Variants in SPAG16 observed in about 807,000 individuals in gnomAD.
SPAG16 encodes the protein sperm associated antigen 16, also known as sperm-associated antigen 16 protein.
A neutral mutation model predicts 80.4 loss-of-function variants in SPAG16; 86 were observed. That is an observed-to-expected ratio of 1.07 (90% CI 0.90 to 1.28). SPAG16 has a LOEUF of 1.28. SPAG16 is among the 50% of genes most tolerant of loss of function. The pLI, the probability that SPAG16 is intolerant of heterozygous loss-of-function variation, is 0.00. For synonymous variants in SPAG16, 294 were observed against 265.9 expected (o/e 1.11, Z -1.03); for missense variants, 870 against 765.3 (o/e 1.14, Z -1.61).
chr2:214,094,374 A>G (rs1335603325), intron 13 of SPAG16, among the ~76,000 whole-genome samples: 1 of 152,108 alleles, frequency 6.6e-6, no homozygotes, highest in East Asian at 1.9e-4. Flanking sequence ...TTCCCAAAGT[A>G]CATGTTAGAA....
chr2:213,557,433 C>G (rs924828682), intron 10 of SPAG16, among the ~76,000 whole-genome samples: 2 of 151,424 alleles, frequency 1.3e-5, no homozygotes, highest in Non-Finnish European at 1.5e-5. Context: ...ATAATTATAT[C>G]TAATTATAAT....
Position 213,887,241 on chromosome 2 carries a change from G to T in SPAG16, c.1214+24613G>T, listed in dbSNP as rs541957917. ...GTTCTCCAGTTTTTCCATTCATGTT[G>T]TTTCTCTGTTCCTGAATCCTATCAA... On this transcript the variant is annotated intron_variant, in intron 11 of 15. Coordinates refer to ENST00000331683, the MANE Select transcript of SPAG16 (RefSeq NM_024532.5). Among the ~76,000 whole-genome samples the T allele has an allele frequency of 1.1e-4, 16 of 152,010 alleles. No homozygotes were observed. The East Asian group carries it at 2.3e-3, about 22-fold the overall frequency.
intron 10 of SPAG16, among the ~76,000 whole-genome samples, chr2:213,585,794 C>T (rs1267985066): frequency 2.0e-5 from 3 of 152,114 alleles, no homozygotes; most frequent in African/African-American, 7.2e-5. Context: ...CTTATATTTG[C>T]ATAAGTTAAC....
chr2:213,982,421 A>T (rs1248519348), intron 12 of SPAG16, among the ~76,000 whole-genome samples: 2 of 152,014 alleles, frequency 1.3e-5, no homozygotes, highest in African/African-American at 4.8e-5. Context: ...TTATGTTATG[A>T]TTTTATTGCC....
In SPAG16 at chr2:213,885,537, C is replaced by T. The variant is rs528694823; in HGVS notation, c.1214+22909C>T. Among the ~76,000 whole-genome samples the T allele has an allele frequency of 2.0e-4, 31 of 152,200 alleles. No homozygotes were observed. The South Asian group carries it at 5.6e-3, about 28-fold the overall frequency. The stretch of plus-strand genomic sequence containing the variant: ...ATTAGTTACAGTTGGTGTTCTTTTC[C>T]GTGAGACTTTTCTTTCATTTATAAC... On this transcript the variant is annotated intron_variant, in intron 11 of 15. Coordinates refer to ENST00000331683, the MANE Select transcript of SPAG16 (RefSeq NM_024532.5).
chr2:214,049,966 T>C (rs1464691060), intron 13 of SPAG16, among the ~76,000 whole-genome samples: 2 of 152,230 alleles, frequency 1.3e-5, no homozygotes, highest in African/African-American at 4.8e-5. Context: ...AAAAGAAGAA[T>C]GTGTAACAGA....
chr2:214,211,163 A>G (rs969832657), intron 15 of SPAG16, among the ~76,000 whole-genome samples: 7 of 152,262 alleles, frequency 4.6e-5, no homozygotes, highest in Middle Eastern at 3.4e-3. Context: ...TTTAGTAAAG[A>G]GGCAAAAAAA....
At chr2:214,264,775 T>G (rs1691431310) in intron 15 of SPAG16, among the ~76,000 whole-genome samples, 1 of 152,164 alleles carries the variant, frequency 6.6e-6, no homozygotes, top group South Asian at 2.1e-4. Flanking sequence ...CACCTATTTA[T>G]CCCTTCTTCT....
intron 9 of SPAG16, among the ~76,000 whole-genome samples, chr2:213,470,594 T>C (rs1186047442): frequency 6.6e-6 from 1 of 152,148 alleles, no homozygotes; most frequent in African/African-American, 2.4e-5. Flanking sequence ...TGCTGGCAAA[T>C]TGGGCACTCA....
chr2:213,636,725 G>A (rs1182097949), intron 10 of SPAG16, among the ~76,000 whole-genome samples: 1 of 152,148 alleles, frequency 6.6e-6, no homozygotes, highest in Admixed American at 6.5e-5. Context: ...TATTGTAAAA[G>A]GGGTTCAGTT....
intron 10 of SPAG16, among the ~76,000 whole-genome samples, chr2:213,566,212 AT>A (rs1455484076): frequency 2.0e-5 from 3 of 152,186 alleles, no homozygotes; most frequent in Non-Finnish European, 4.4e-5. Context: ...CGTTGGAGGA[AT>A]TATCCAAATT....
intron 10 of SPAG16, among the ~76,000 whole-genome samples, chr2:213,630,651 A>G (rs1384929406): frequency 6.6e-6 from 1 of 152,234 alleles, no homozygotes; most frequent in Non-Finnish European, 1.5e-5. Context: ...CTGAGAATAT[A>G]TAGAAACATA....
chr2:213,483,204 T>G (rs184691865), intron 9 of SPAG16, among the ~76,000 whole-genome samples: 1 of 152,310 alleles, frequency 6.6e-6, no homozygotes, highest in Non-Finnish European at 1.5e-5. Flanking sequence ...ACCCTTTATT[T>G]GAAATTTAGG....
chr2:213,501,969 C>G (rs147042317), intron 10 of SPAG16, among the ~76,000 whole-genome samples: 46 of 152,226 alleles, frequency 3.0e-4, no homozygotes, highest in African/African-American at 1.0e-3. Flanking sequence ...CAAATGATGT[C>G]TTAGGCTATT....
chr2:214,390,344 A>ATT (rs766813557), intron 15 of SPAG16, among the ~76,000 whole-genome samples: 3 of 98,194 alleles, frequency 3.1e-5, no homozygotes, highest in Non-Finnish European at 4.8e-5. Context: ...TTTTTTTTAA[A>ATT]AAAAAAAAAA....
intron 12 of SPAG16, among the ~76,000 whole-genome samples, chr2:213,940,962 T>C (rs1276131433): frequency 6.6e-6 from 1 of 152,200 alleles, no homozygotes; most frequent in Non-Finnish European, 1.5e-5. Context: ...ATTCTCATTA[T>C]CTATGTTCAT....
At chr2:213,396,368 T>TTA (rs1445551254) in intron 9 of SPAG16, among the ~76,000 whole-genome samples, 23 of 152,372 alleles carry the variant, frequency 1.5e-4, no homozygotes, top group African/African-American at 5.5e-4. Flanking sequence ...TTTAACATCT[T>TTA]TCAATAACAA....
In SPAG16 at chr2:213,769,187, T is replaced by C. The variant is rs117730121; in HGVS notation, c.1071-93298T>C. 2.4e-4 allele frequency among the ~76,000 whole-genome samples: 36 copies of C among 152,280 alleles called. No individual in the cohort carries two copies. The East Asian group carries it at 6.6e-3, about 28-fold the overall frequency. Reference sequence around the variant, plus strand: ...GAATGAGGAATTGGGGTGGATAAAGTCAACTCTAAGTTAAATGTTTGGGGA... The same window carrying C: ...GAATGAGGAATTGGGGTGGATAAAGCCAACTCTAAGTTAAATGTTTGGGGA... On this transcript the variant is annotated intron_variant, in intron 10 of 15. Coordinates refer to ENST00000331683, the MANE Select transcript of SPAG16 (RefSeq NM_024532.5).
intron 15 of SPAG16, among the ~76,000 whole-genome samples, chr2:214,288,344 A>G (rs753869667): frequency 9.2e-5 from 14 of 152,290 alleles, no homozygotes; most frequent in Admixed American, 3.3e-4. Context: ...AATTATGTTG[A>G]TTCCATATCT....
Sources: allele counts gnomAD v4.1 joint callset (sites outside exome capture counted in the v4.1 genomes callset), GRCh38; gene constraint gnomAD v4.1.1; transcripts MANE v1.5; gene names NCBI Gene and HGNC (gene_info 2026-07-23, HGNC 2026-07-21).